Variants in MYH3 observed in about 807,000 individuals in gnomAD.
MYH3 encodes the protein myosin heavy chain 3, also known as myosin-3.
MYH3 carries 130 observed loss-of-function variants against 238.0 expected under a neutral mutation model. The ratio of observed to expected loss-of-function variants is 0.55; its 90% CI spans 0.47 to 0.63. MYH3 has a LOEUF of 0.63. Among genes scored for constraint, MYH3 ranks in the 30% least tolerant of loss-of-function variants. The pLI is 0.00. For missense variants in MYH3, 1,853 were observed against 2,374.9 expected, an observed-to-expected ratio of 0.78 and a Z score of 4.57; for synonymous variants, 880 against 924.1, an observed-to-expected ratio of 0.95 and a Z score of 0.86.
intron 10 of MYH3, 152 bp from the exon 11 acceptor site, chr17:10,646,184 T>G: frequency 1.4e-6 from 1 of 729,384 alleles, no homozygotes; most frequent in South Asian, 1.5e-5. Context: ...TCCACAATAC[T>G]CAGGCTGTCA....
chr17:10,650,273 G>T, intron 6 of MYH3, 101 bp downstream of exon 6: 2 of 1,283,152 alleles, frequency 1.6e-6, no homozygotes, highest in Non-Finnish European at 2.3e-6. Context: ...ACCGCGCCCA[G>T]CCTGATCTTT....
chr17:10,638,474 C>T (rs755463008), intron 26 of MYH3, 42 bp from the exon 27 acceptor site: 24 of 1,598,738 alleles, frequency 1.5e-5, no homozygotes, highest in East Asian at 2.2e-5. Flanking sequence ...GTGGGTTCAC[C>T]GCGGGGACTC....
intron 26 of MYH3, 33 bp downstream of exon 26, chr17:10,638,840 C>T (rs2074242326): frequency 1.9e-6 from 3 of 1,602,676 alleles, no homozygotes; most frequent in Non-Finnish European, 2.6e-6. Flanking sequence ...TAAGTGGCCT[C>T]ACATGGAAGA....
rs749336793 is a variant in MYH3 at position 10,633,629 on chromosome 17, C to T, written c.4609G>A (p.Glu1537Lys). ...LEKSRKQIEL[E>K]KADIQLALEE... is the part of the protein sequence containing the mutation. ...AGAGCCAGCTGGATATCAGCCTTTT[C>T]CAGCTCAATCTGCTTTCTTGATTTC... The change falls in exon 33 of 41, where the codon GAA becomes AAA. Residue 1537 changes from glutamate to lysine, a missense_variant. Around this residue, in one of 3 missense-constraint regions of MYH3, gnomAD observed 1,044 missense variants for 1,192.6 expected, o/e 0.88. Transcript: ENST00000583535. The T allele has an allele frequency of 1.9e-6, 3 of 1,613,888 alleles. No homozygotes were observed. Among genetic ancestry groups the T allele is most frequent in the Non-Finnish European group, 1.7e-6 (2 of 1,179,948 alleles).
chr17:10,647,354 T>C lies in MYH3; in HGVS notation c.799+9A>G, dbSNP rs1416830972. On this transcript the variant is annotated intron_variant, in intron 9 of 40. Transcript: ENST00000583535. ...TGAGACGCCATCGAATCCCCATGGATCTACTTACAAGTTTCAATATCTGCA... is the reference window on the plus strand; with the variant it reads ...TGAGACGCCATCGAATCCCCATGGACCTACTTACAAGTTTCAATATCTGCA... The C allele has an allele frequency of 4.3e-6, 7 of 1,614,052 alleles. No homozygotes were observed. The Admixed American group carries it at 6.7e-5, about 15-fold the overall frequency.
the MYH3 span, among the ~76,000 whole-genome samples, chr17:10,666,578 CAAA>C: frequency 1.5e-5 from 1 of 68,590 alleles, no homozygotes; most frequent in African/African-American, 6.0e-5. Flanking sequence ...CTTGTCTCTA[CAAA>C]AAAAAAAAAA....
intron 8 of MYH3, 79 bp from the exon 9 acceptor site, chr17:10,647,505 G>A (rs2142414147): frequency 1.4e-6 from 2 of 1,477,192 alleles, no homozygotes; most frequent in South Asian, 1.1e-5. Context: ...GGTAATTTGA[G>A]TAGGAGCCTA....
At chr17:10,643,084 C>T in intron 14 of MYH3, 88 bp from the exon 15 acceptor site, 6 of 1,606,566 alleles carry the variant, frequency 3.7e-6, no homozygotes, top group Non-Finnish European at 5.1e-6. Context: ...GCCCCAGGTT[C>T]CTGTCAAACA....
In MYH3 at chr17:10,635,490, T is replaced by G. The variant is rs1033324060; in HGVS notation, c.4049A>C (p.Glu1350Ala). 1 of 1,614,094 alleles carries G rather than the reference T, an allele frequency of 6.2e-7. No homozygotes were observed. Among genetic ancestry groups the G allele is most frequent in the African/African-American group, 1.3e-5 (1 of 74,950 alleles). The change falls in exon 30 of 41, where the codon GAG (glutamate) becomes GCG (alanine). Residue 1350 changes from glutamate (E) to alanine (A), a missense_variant. Transcript: ENST00000583535. Reference sequence around the variant, plus strand: ...CAGCTCAGCTTTGCCTTCCTGCTCCTCCTCATACTGTTCCCGCAGCAGGTC... The same window carrying G: ...CAGCTCAGCTTTGCCTTCCTGCTCCGCCTCATACTGTTCCCGCAGCAGGTC... ...DCDLLREQYE[E>A]EQEGKAELQR...
chr17:10,635,260 A>C (rs571873627), intron 30 of MYH3, 107 bp downstream of exon 30: 2 of 1,574,564 alleles, frequency 1.3e-6, no homozygotes, highest in African/African-American at 2.7e-5. Flanking sequence ...CTAATGGCCC[A>C]GCACCGCATT....
chr17:10,658,148 A>AG (rs757465371), upstream of MYH3, among the ~76,000 whole-genome samples: 24 of 152,242 alleles, frequency 1.6e-4, no homozygotes, highest in African/African-American at 5.3e-4. Flanking sequence ...AGGGCGGACA[A>AG]GGGGGGGCTG....
intron 2 of MYH3, 108 bp from the exon 3 acceptor site, chr17:10,655,180 TCA>T: frequency 1.1e-6 from 1 of 890,418 alleles, no homozygotes; most frequent in South Asian, 1.4e-5. Flanking sequence ...GCAGGAGCCC[TCA>T]GAGTCAGGGC....
At chr17:10,671,631 G>GT in the MYH3 span, among the ~76,000 whole-genome samples, 1 of 138,632 alleles carries the variant, frequency 7.2e-6, no homozygotes, top group Middle Eastern at 4.2e-3. Context: ...CCAGGCTGGA[G>GT]TGCAGTGGTG....
At chr17:10,662,638 T>C in the MYH3 span, among the ~76,000 whole-genome samples, 1 of 152,244 alleles carries the variant, frequency 6.6e-6, no homozygotes, top group African/African-American at 2.4e-5. Flanking sequence ...TGTAAATTTT[T>C]CCAGTTCTTC....
the MYH3 span, among the ~76,000 whole-genome samples, chr17:10,664,454 G>C: frequency 1.3e-5 from 2 of 152,168 alleles, no homozygotes; most frequent in African/African-American, 4.8e-5. Context: ...TAATACATGA[G>C]AAAAGATTAG....
rs527302238 is a variant in MYH3 at position 10,653,926 on chromosome 17, T to C, written c.204+935A>G. Among the ~76,000 whole-genome samples the C allele has an allele frequency of 6.6e-5, 10 of 152,292 alleles. No homozygotes were observed. In the South Asian group the frequency reaches 1.9e-3, roughly 28 times the overall value. ...TGGAAATACACAGAGAGCCACCTTT[T>C]CGGAGCTCCAATGCTTGGTAGCACT... On this transcript the variant is annotated intron_variant, in intron 3 of 40. Transcript: ENST00000583535.
chr17:10,651,806 C>T (rs1009040801), intron 4 of MYH3, 138 bp from the exon 5 acceptor site: 99 of 1,238,812 alleles, frequency 8.0e-5, no homozygotes, highest in Non-Finnish European at 9.3e-5. Context: ...TGCAGTGGCA[C>T]GATCTTGGCT....
At chr17:10,657,733 G>A (rs2074447891), upstream of MYH3, among the ~76,000 whole-genome samples, 1 of 152,194 alleles carries the variant, frequency 6.6e-6, no homozygotes, top group East Asian at 1.9e-4. Context: ...AAGACTGAGA[G>A]TGAAAAGTTG....
At chr17:10,647,930 T>C (rs1265412135) in intron 8 of MYH3, among the ~76,000 whole-genome samples, 4 of 152,026 alleles carry the variant, frequency 2.6e-5, no homozygotes, top group African/African-American at 9.7e-5. Context: ...CTTTTATTTA[T>C]CCCTTTTATT....
Sources: allele counts gnomAD v4.1 joint callset (sites outside exome capture counted in the v4.1 genomes callset), GRCh38; gene constraint gnomAD v4.1.1; regional missense constraint gnomAD v4.1.1; transcripts MANE v1.5; gene names NCBI Gene and HGNC (gene_info 2026-07-23, HGNC 2026-07-21).